WDR72: variants seen among roughly 807,000 people sequenced by gnomAD.
WDR72 encodes the protein WD repeat domain 72, also known as WD repeat-containing protein 72.
A neutral mutation model predicts 124.2 loss-of-function variants in WDR72; 120 were observed. That is an observed-to-expected ratio of 0.97 (90% CI 0.83 to 1.12). The LOEUF (loss-of-function observed/expected upper bound fraction) is 1.12. WDR72 is among the 50% of genes most tolerant of loss of function. The probability of loss-of-function intolerance (pLI) is 0.00; values close to 1 mark genes in which losing one functional copy is unlikely to be tolerated. For synonymous variants in WDR72, 452 were observed against 441.7 expected (o/e 1.02, Z -0.29); for missense variants, 1,387 against 1,278.8 (o/e 1.08, Z -1.29).
chr15:53,645,698 A>G (rs2015017345), intron 14 of WDR72, among the ~76,000 whole-genome samples: 1 of 152,224 alleles, frequency 6.6e-6, no homozygotes, highest in Non-Finnish European at 1.5e-5. Context: ...CTTAAACTAT[A>G]TCATTTTAAC....
rs111227369 is a variant in WDR72 at position 53,722,874 on chromosome 15, G to A, written c.188C>T (p.Ala63Val). ...SAKELLFGHS[A>V]SVTCLARARD... is the part of the protein sequence containing the mutation. ...TGCTCTTGCCAAACATGTTACCGAA[G>A]CTGAATGACCAAATAGGAGTTCTTT... Residue 63 changes from alanine to valine, a missense_variant, in exon 3 of 20, where the codon GCT becomes GTT. Transcript: ENST00000360509. 1.9e-6 allele frequency: 3 copies of A among 1,614,078 alleles called. No homozygotes were observed. The highest frequency in any genetic ancestry group is 1.6e-4 in the Middle Eastern group (1 of 6,062).
chr15:53,752,646 A>C (rs950330209), intron 1 of WDR72, among the ~76,000 whole-genome samples: 2 of 152,206 alleles, frequency 1.3e-5, no homozygotes, highest in Non-Finnish European at 2.9e-5. Flanking sequence ...TCTGTTGTGT[A>C]AGTCACCCAG....
Position 53,713,180 on chromosome 15 carries a change from G to C in WDR72, c.592-289C>G, listed in dbSNP as rs1452991970. ...AAAAAAAAAAAATTAAAAAATATAG[G>C]ATGTATTTCTTGAAAAAAAAAAAAA... On this transcript the variant is annotated intron_variant, in intron 6 of 19. Coordinates refer to ENST00000360509, the MANE Select transcript of WDR72 (RefSeq NM_182758.4). Among the ~76,000 whole-genome samples, 11 of 125,956 alleles carry C rather than the reference G, an allele frequency of 8.7e-5. No homozygotes were observed. In the East Asian group the frequency reaches 2.4e-3, roughly 28 times the overall value. The allele number at this position is 125,956 out of a possible 152,430, so 82.6% of individuals were successfully genotyped here.
At position 53,516,913 on chromosome 15, in the gene WDR72, T is replaced by C. The variant is rs1336281818; in HGVS notation, c.*786A>G. The C allele has an allele frequency of 6.6e-6, 1 of 152,080 alleles. No individual in the cohort carries two copies. Among genetic ancestry groups the C allele is most frequent in the African/African-American group, 2.4e-5 (1 of 41,442 alleles). 9.4% of individuals were successfully genotyped at this position (152,080 alleles called of 1,614,324 possible). On this transcript the variant is annotated 3_prime_UTR_variant, in exon 20 of 20. Coordinates refer to ENST00000360509, the MANE Select transcript of WDR72 (RefSeq NM_182758.4). ...TTTTAGAATTCCTGCTAGTCAAGCTTCTTTCTGGGAAAAGACCTACAAGAG... is the reference window on the plus strand; with the variant it reads ...TTTTAGAATTCCTGCTAGTCAAGCTCCTTTCTGGGAAAAGACCTACAAGAG...
chr15:53,571,081 G>A (rs1390292281), intron 18 of WDR72, among the ~76,000 whole-genome samples: 1 of 151,968 alleles, frequency 6.6e-6, no homozygotes, highest in Non-Finnish European at 1.5e-5. Context: ...GTAAGTGGAA[G>A]CTAGACAGTA....
chr15:53,614,463 C>T (rs1405239164), intron 15 of WDR72, among the ~76,000 whole-genome samples: 1 of 152,054 alleles, frequency 6.6e-6, no homozygotes, highest in Non-Finnish European at 1.5e-5. Flanking sequence ...GTCTCTAATC[C>T]TGACACCTTC....
intron 14 of WDR72, among the ~76,000 whole-genome samples, chr15:53,616,577 G>A (rs1224770251): frequency 1.3e-5 from 2 of 151,778 alleles, no homozygotes; most frequent in Non-Finnish European, 2.9e-5. Flanking sequence ...GACATACAAG[G>A]ACAAGGTAGG....
At chr15:53,541,390 C>A (rs879082247) in intron 18 of WDR72, among the ~76,000 whole-genome samples, 1 of 151,900 alleles carries the variant, frequency 6.6e-6, no homozygotes, top group Admixed American at 6.6e-5. Context: ...CACACTGATA[C>A]CTCACAAGGC....
At chr15:53,701,394 A>G (rs2017169076) in intron 12 of WDR72, among the ~76,000 whole-genome samples, 1 of 151,972 alleles carries the variant, frequency 6.6e-6, no homozygotes, top group Admixed American at 6.6e-5. Flanking sequence ...CAAAAATAAA[A>G]AACAGTAGCT....
At chr15:53,602,323 C>T (rs1038853058) in intron 17 of WDR72, among the ~76,000 whole-genome samples, 1 of 151,956 alleles carries the variant, frequency 6.6e-6, no homozygotes, top group Non-Finnish European at 1.5e-5. Flanking sequence ...ATCTCTGGGA[C>T]AAAGCTAAGG....
chr15:53,665,833 C>A lies in WDR72; in HGVS notation c.1766-65G>T, dbSNP rs1472858767. 5 of 1,478,922 alleles carry A rather than the reference C, an allele frequency of 3.4e-6. No homozygotes were observed. In the Admixed American group the frequency reaches 6.8e-5, roughly 20 times the overall value. 91.6% of individuals were successfully genotyped at this position (1,478,922 alleles called of 1,614,324 possible). A position where few individuals can be genotyped will look rare whatever the true frequency, so the allele number is the denominator to read the frequency against. On this transcript the variant is annotated intron_variant, in intron 13 of 19. Coordinates refer to ENST00000360509, the MANE Select transcript of WDR72 (RefSeq NM_182758.4). ...TTTACCCCAACAGAATAAGACAGAACAAACACTCTTTAGCAGAAGAATCAC... is the reference window on the plus strand; with the variant it reads ...TTTACCCCAACAGAATAAGACAGAAAAAACACTCTTTAGCAGAAGAATCAC...
rs1276819282 is a variant in WDR72 at position 53,758,784 on chromosome 15, G to A, written c.-13+849C>T. On this transcript the variant is annotated intron_variant, in intron 1 of 19. Coordinates refer to ENST00000360509, the MANE Select transcript of WDR72 (RefSeq NM_182758.4). ...ACAAAACTGCGGGGGGGGGGGGGGC[G>A]GTGCGGGCGGGGGAAGACAAACGTA... Among the ~76,000 whole-genome samples the A allele has an allele frequency of 4.6e-5, 3 of 65,816 alleles. No individual in the cohort carries two copies. The South Asian group carries it at 1.7e-3, about 36-fold the overall frequency. The allele number at this position is 65,816 out of a possible 152,430, so 43.2% of individuals were successfully genotyped here.
intron 18 of WDR72, among the ~76,000 whole-genome samples, chr15:53,554,264 G>A (rs1182898437): frequency 6.6e-6 from 1 of 151,846 alleles, no homozygotes; most frequent in Non-Finnish European, 1.5e-5. Flanking sequence ...GTCTCTACTT[G>A]TAGTAATATC....
rs549011795 is a variant in WDR72, at chr15:53,688,552, G to T, written c.1765+11198C>A. On this transcript the variant is annotated intron_variant, in intron 13 of 19. Coordinates refer to ENST00000360509, the MANE Select transcript of WDR72 (RefSeq NM_182758.4). ...AGGAGAACTACAAACCACTGCTCGAGGAAATAAAAGAGGATACAAACAAAT... is the reference window on the plus strand; with the variant it reads ...AGGAGAACTACAAACCACTGCTCGATGAAATAAAAGAGGATACAAACAAAT... Among the ~76,000 whole-genome samples the T allele has an allele frequency of 1.9e-3, 293 of 152,098 alleles. 2 individuals carry two copies. Among genetic ancestry groups the T allele is most frequent in the African/African-American group, 4.5e-3 (188 of 41,446 alleles).
chr15:53,526,269 T>A (rs1260948253), intron 18 of WDR72, among the ~76,000 whole-genome samples: 1 of 152,004 alleles, frequency 6.6e-6, no homozygotes, highest in African/African-American at 2.4e-5. Context: ...TTTTTAGTAG[T>A]GCAGAGGAGA....
intron 1 of WDR72, among the ~76,000 whole-genome samples, chr15:53,755,788 G>A (rs1292046122): frequency 6.6e-6 from 1 of 152,198 alleles, no homozygotes; most frequent in African/African-American, 2.4e-5. Context: ...ACCCTGCTGG[G>A]AGGAGATCAA....
At chr15:53,542,858 A>C (rs1893222656) in intron 18 of WDR72, among the ~76,000 whole-genome samples, 1 of 116,244 alleles carries the variant, frequency 8.6e-6, no homozygotes, top group African/African-American at 3.4e-5. Flanking sequence ...TCTCTGATAA[A>C]ACAGACTTTA....
At chr15:53,553,053 TA>T (rs764274101) in intron 18 of WDR72, among the ~76,000 whole-genome samples, 9 of 152,200 alleles carry the variant, frequency 5.9e-5, no homozygotes, top group Non-Finnish European at 1.2e-4. Flanking sequence ...AGATAAAAAT[TA>T]AAAATAATGG....
intron 7 of WDR72, 148 bp downstream of exon 7, chr15:53,712,624 G>T (rs978235953): frequency 1.2e-6 from 1 of 837,020 alleles, no homozygotes; most frequent in Non-Finnish European, 1.8e-6. Context: ...AAACTGTTAC[G>T]TCAGTCATAA....
Sources: allele counts gnomAD v4.1 joint callset (sites outside exome capture counted in the v4.1 genomes callset), GRCh38; gene constraint gnomAD v4.1.1; transcripts MANE v1.5; gene names NCBI Gene and HGNC (gene_info 2026-07-23, HGNC 2026-07-21).